NFAT5: variants seen among roughly 807,000 people sequenced by gnomAD.
NFAT5 encodes the protein nuclear factor of activated T cells 5.
In NFAT5, 31 loss-of-function variants were observed where a neutral mutation model predicts 166.5. The ratio of observed to expected loss-of-function variants is 0.19; its 90% confidence interval spans 0.14 to 0.25. The LOEUF (loss-of-function observed/expected upper bound fraction) is 0.25. Among genes scored for constraint, NFAT5 ranks in the 10% least tolerant of loss-of-function variants. The probability of loss-of-function intolerance (pLI) is 1.00; values close to 1 mark genes in which losing one functional copy is unlikely to be tolerated. For missense variants in NFAT5, 1,449 were observed against 1,821.8 expected (o/e 0.80, Z 3.72); for synonymous variants, 612 against 639.7 (o/e 0.96, Z 0.65).
chr16:69,607,172 G>A (rs1371845460), intron 2 of NFAT5, among the ~76,000 whole-genome samples: 3 of 152,170 alleles, frequency 2.0e-5, no homozygotes, highest in African/African-American at 4.8e-5. Flanking sequence ...GCTGTGATAA[G>A]TAACTTGTCC....
At position 69,566,433 on chromosome 16, in the gene NFAT5, AG is replaced by A. The variant is rs1231371739; in HGVS notation, c.73+62del. ...CGGGGAGACAGGGAGACAGGGAGAC[AG>A]GGCCAGGGGAGGCGAGGGGTCCCCG... is the stretch of plus-strand genomic sequence containing the variant. On this transcript the variant is annotated intron_variant, in intron 1 of 14. Coordinates refer to ENST00000349945, the MANE Select transcript of NFAT5 (RefSeq NM_138713.4). This position sits in a 1 kb window ranked among gnomAD's most constrained non-coding sequence, Gnocchi z 5.7. 12 of 1,359,404 alleles carry A rather than the reference AG, an allele frequency of 8.8e-6. No individual in the cohort carries two copies. The highest frequency in any genetic ancestry group is 1.2e-5 in the Non-Finnish European group (12 of 983,092). The allele number at this position is 1,359,404 out of a possible 1,614,324, so 84.2% of individuals were successfully genotyped here.
At chr16:69,584,984 G>C (rs1567518657) in intron 2 of NFAT5, among the ~76,000 whole-genome samples, 1 of 151,910 alleles carries the variant, frequency 6.6e-6, no homozygotes, top group Non-Finnish European at 1.5e-5. Flanking sequence ...TGTCAAAACA[G>C]AGTAGAATTT....
At chr16:69,631,034 G>A (rs2034691293) in intron 3 of NFAT5, among the ~76,000 whole-genome samples, 1 of 152,052 alleles carries the variant, frequency 6.6e-6, no homozygotes, top group African/African-American at 2.4e-5. Context: ...GGCTTCATTT[G>A]GGAATATAAC....
At chr16:69,569,407 G>A (rs1395518403) in intron 2 of NFAT5, among the ~76,000 whole-genome samples, 7 of 151,634 alleles carry the variant, frequency 4.6e-5, no homozygotes, top group African/African-American at 1.7e-4. Context: ...CGGCCACCGT[G>A]AAATACACAT....
At chr16:69,591,501 AGT>A (rs2032458088) in intron 2 of NFAT5, among the ~76,000 whole-genome samples, 1 of 152,182 alleles carries the variant, frequency 6.6e-6, no homozygotes, top group African/African-American at 2.4e-5. Context: ...AAACTTTGCT[AGT>A]TTTATTTCTT....
chr16:69,667,357 T>C (rs984618697), intron 7 of NFAT5, among the ~76,000 whole-genome samples: 1 of 151,984 alleles, frequency 6.6e-6, no homozygotes, highest in Admixed American at 6.6e-5. Context: ...TTTACAAGAA[T>C]AGTAAATTTT....
At chr16:69,668,735 G>T (rs2036503809) in intron 7 of NFAT5, among the ~76,000 whole-genome samples, 1 of 151,856 alleles carries the variant, frequency 6.6e-6, no homozygotes, top group Non-Finnish European at 1.5e-5. Flanking sequence ...CTGGAGTGCA[G>T]TGGCACGATC....
At position 69,699,879 on chromosome 16, in the gene NFAT5, CTTA is replaced by C. The variant is rs1428813269; in HGVS notation, c.*3531_*3533del. Reference sequence around the variant, plus strand: ...GTGTGTGTGTGTGTGTGTGTGTTTCCTTATTGTCATTCCATTATATATCCACAC... The same window carrying C: ...GTGTGTGTGTGTGTGTGTGTGTTTCCTTGTCATTCCATTATATATCCACAC... On this transcript the variant is annotated 3_prime_UTR_variant, in exon 15 of 15. Coordinates refer to ENST00000349945, the MANE Select transcript of NFAT5 (RefSeq NM_138713.4). The C allele has an allele frequency of 7.0e-6, 1 of 142,452 alleles. No homozygotes were observed. The highest frequency in any genetic ancestry group is 2.6e-5 in the African/African-American group (1 of 37,986). The allele number at this position is 142,452 out of a possible 1,614,324, so 8.8% of individuals were successfully genotyped here.
chr16:69,684,113 G>A (rs923775140), intron 10 of NFAT5, among the ~76,000 whole-genome samples: 2 of 151,634 alleles, frequency 1.3e-5, no homozygotes, highest in Admixed American at 1.3e-4. Context: ...TAAATAAATA[G>A]CCTGGCATGG....
Position 69,695,361 on chromosome 16 carries a change from G to A in NFAT5, c.4640G>A (p.Gly1547Asp). ...CAAAACCAAGGGAACAACTTGACTG[G>A]CTCCTTTTAACTGGATATGTAAGTA... is the stretch of plus-strand genomic sequence containing the variant. ...SLQNQGNNLT[G>D]SF is the part of the protein sequence containing the mutation. The change falls in exon 14 of 15, where the codon GGC becomes GAC. Residue 1547 changes from glycine to aspartate, a missense_variant. Physicochemically the swap from Gly to Asp is moderately conservative, Grantham distance 94. Coordinates refer to ENST00000349945, the MANE Select transcript of NFAT5 (RefSeq NM_138713.4). 2 of 1,612,920 alleles carry A rather than the reference G, an allele frequency of 1.2e-6. No individual in the cohort carries two copies. The highest frequency in any genetic ancestry group is 2.2e-5 in the East Asian group (1 of 44,870).
At chr16:69,660,658 C>T (rs577804621) in intron 7 of NFAT5, among the ~76,000 whole-genome samples, 1 of 152,126 alleles carries the variant, frequency 6.6e-6, no homozygotes, top group Admixed American at 6.5e-5. Flanking sequence ...TATCACTAAC[C>T]TTGACATGGA....
rs1415421840 is a variant in NFAT5, at chr16:69,704,109, T to G, written c.*7758T>G. 6.6e-6 allele frequency: 1 copy of G among 152,530 alleles called. No homozygotes were observed. The highest frequency in any genetic ancestry group is 2.4e-5 in the African/African-American group (1 of 41,416). The allele number at this position is 152,530 out of a possible 1,614,324, so 9.4% of individuals were successfully genotyped here. A position where few individuals can be genotyped will look rare whatever the true frequency, so the allele number is the denominator to read the frequency against. ...CCAGTAAAAAACTCCTGCACTGAAG[T>G]CATTGTGACTTGAGTAGTTACAGAC... On this transcript the variant is annotated 3_prime_UTR_variant, in exon 15 of 15. Coordinates refer to ENST00000349945, the MANE Select transcript of NFAT5 (RefSeq NM_138713.4).
At chr16:69,660,410 GC>G (rs1176969289) in intron 7 of NFAT5, among the ~76,000 whole-genome samples, 19 of 151,332 alleles carry the variant, frequency 1.3e-4, no homozygotes, top group Non-Finnish European at 3.0e-5. Context: ...AGCCTGGGCA[GC>G]AGACTGCGAC....
chr16:69,627,155 A>C (rs1459342076), intron 3 of NFAT5, among the ~76,000 whole-genome samples: 1 of 151,416 alleles, frequency 6.6e-6, no homozygotes, highest in African/African-American at 2.4e-5. Flanking sequence ...ACTTAATGAT[A>C]TACAATTGGC....
intron 3 of NFAT5, among the ~76,000 whole-genome samples, chr16:69,630,765 T>C (rs2034678149): frequency 6.7e-6 from 1 of 148,748 alleles, no homozygotes; most frequent in Non-Finnish European, 1.5e-5. Context: ...AATTAAAACA[T>C]AGGTATTAGG....
chr16:69,687,373 G>A (rs994193450), intron 11 of NFAT5, among the ~76,000 whole-genome samples: 41 of 145,778 alleles, frequency 2.8e-4, no homozygotes, highest in African/African-American at 9.5e-4. Context: ...TCCAGGAGGC[G>A]AAGGTTGTAG....
chr16:69,693,968 G>A lies in NFAT5; in HGVS notation c.4143G>A (p.Gly1381=), dbSNP rs745316104. The A allele has an allele frequency of 1.9e-6, 3 of 1,614,176 alleles. No individual in the cohort carries two copies. The highest frequency in any genetic ancestry group is 2.2e-5 in the South Asian group (2 of 91,080). ...HSSPQIQLVQ[G]SPSSQEQQVT... ...CTCCTCAGATTCAGTTGGTACAAGGGTCACCTAGTTCTCAAGAGCAGCAAG... is the reference window on the plus strand; with the variant it reads ...CTCCTCAGATTCAGTTGGTACAAGGATCACCTAGTTCTCAAGAGCAGCAAG... The change falls in exon 13 of 15, where the codon GGG becomes GGA. Residue 1381 remains glycine (G), a synonymous_variant. Transcript: ENST00000349945.
rs2037787622 is a variant in NFAT5 at position 69,697,093 on chromosome 16, A to C, written c.*742A>C. 1 of 152,672 alleles carries C rather than the reference A, an allele frequency of 6.5e-6. No homozygotes were observed. 9.5% of individuals were successfully genotyped at this position (152,672 alleles called of 1,614,324 possible). A position where few individuals can be genotyped will look rare whatever the true frequency, so the allele number is the denominator to read the frequency against. ...ATTATCTGTAAAAAATGAAGGGGAT[A>C]ATATATGATAAATTATGTTCTGATA... is the stretch of plus-strand genomic sequence containing the variant. On this transcript the variant is annotated 3_prime_UTR_variant, in exon 15 of 15. Transcript: ENST00000349945.
At position 69,659,905 on chromosome 16, in the gene NFAT5, T is replaced by C; in HGVS notation, c.1369+6T>C. 1 of 1,597,230 alleles carries C rather than the reference T, an allele frequency of 6.3e-7. No homozygotes were observed. Among genetic ancestry groups the C allele is most frequent in the Non-Finnish European group, 8.5e-7 (1 of 1,169,996 alleles). On this transcript the variant is annotated splice_donor_region_variant and intron_variant, in intron 7 of 14. Coordinates refer to ENST00000349945, the MANE Select transcript of NFAT5 (RefSeq NM_138713.4). The stretch of plus-strand genomic sequence containing the variant: ...CTCTTCTCCAATTTTGTGTAGTAAG[T>C]AAGAAGATACGGAGATACTAAACAT...
Sources: allele counts gnomAD v4.1 joint callset (sites outside exome capture counted in the v4.1 genomes callset), GRCh38; gene constraint gnomAD v4.1.1; non-coding constraint Gnocchi (gnomAD v3.1); transcripts MANE v1.5; gene names NCBI Gene and HGNC (gene_info 2026-07-23, HGNC 2026-07-21).